NBEA: variants seen among roughly 807,000 people sequenced by gnomAD.
NBEA encodes the protein lysosomal-trafficking regulator 2.
Under a neutral mutation model 343.4 loss-of-function variants are expected in NBEA, and 44 were observed. The ratio of observed to expected loss-of-function variants is 0.13; its 90% confidence interval spans 0.10 to 0.16. The LOEUF (loss-of-function observed/expected upper bound fraction) is 0.16, where lower values mean the gene tolerates loss of function less well. Ranked by LOEUF, NBEA falls within the 10% of genes least tolerant of loss-of-function variation. NBEA has a pLI of 1.00. For missense variants in NBEA, 2,555 were observed against 3,631.3 expected, an observed-to-expected ratio of 0.70 and a Z score of 7.62; for synonymous variants, 1,175 against 1,238.7, an observed-to-expected ratio of 0.95 and a Z score of 1.08.
chr13:35,412,256 T>C (rs191904396), intron 38 of NBEA, among the ~76,000 whole-genome samples: 14 of 152,290 alleles, frequency 9.2e-5, no homozygotes, highest in Non-Finnish European at 1.5e-4. Flanking sequence ...TATATATCAC[T>C]GAGAATACAT....
At position 34,943,121 on chromosome 13, in the gene NBEA, A is replaced by G; in HGVS notation, c.294+7A>G. The G allele has an allele frequency of 6.2e-7, 1 of 1,612,656 alleles. No individual in the cohort carries two copies. ...GGAGACGGTGCTCAACCTGGTAAGG[A>G]AAAGGCGTGCTCTCAATCTGCTTCC... On this transcript the variant is annotated splice_region_variant and intron_variant, in intron 1 of 58. Transcript: ENST00000379939.
chr13:35,049,382 T>G (rs2062983642), intron 5 of NBEA, among the ~76,000 whole-genome samples: 1 of 151,864 alleles, frequency 6.6e-6, no homozygotes, highest in South Asian at 2.1e-4. Context: ...CCACCTACTA[T>G]TCACCTTGTA....
In NBEA at chr13:35,159,987, A is replaced by C; in HGVS notation, c.3816A>C (p.Glu1272Asp). Residue 1272 changes from glutamate (E) to aspartate (D), a missense_variant, in exon 22 of 59, where the codon GAA becomes GAC. Physicochemically the swap from Glu to Asp is conservative, Grantham distance 45 (BLOSUM62 2). Coordinates refer to ENST00000379939, the MANE Select transcript of NBEA (RefSeq NM_001385012.1). ...SDTERSDDGK[E>D]SGKEIRKIQT... ...CTGAAAGGTCTGACGATGGCAAAGA[A>C]TCAGGAAAAGAAATCCGAAAAATCC... 6.3e-7 allele frequency: 1 copy of C among 1,592,620 alleles called. No homozygotes were observed. Among genetic ancestry groups the C allele is most frequent in the Non-Finnish European group, 8.5e-7 (1 of 1,170,306 alleles).
intron 18 of NBEA, among the ~76,000 whole-genome samples, chr13:35,144,968 TTTGATGGA>T (rs2068326503): frequency 6.6e-6 from 1 of 152,194 alleles, no homozygotes; most frequent in East Asian, 1.9e-4. Context: ...GTAGGTATCC[TTTGATGGA>T]GTCCCAGATG....
intron 8 of NBEA, among the ~76,000 whole-genome samples, chr13:35,067,174 G>A (rs1371562105): frequency 2.0e-5 from 3 of 152,094 alleles, no homozygotes; most frequent in Non-Finnish European, 4.4e-5. Flanking sequence ...GAAGCTGAGA[G>A]AAGAAAGATA....
At chr13:35,522,475 C>CAA (rs138270833) in intron 41 of NBEA, among the ~76,000 whole-genome samples, 18 of 42,070 alleles carry the variant, frequency 4.3e-4, no homozygotes, top group South Asian at 1.4e-3. Context: ...ATACCATCTC[C>CAA]AAAAAAAAAA....
chr13:35,169,011 G>T lies in NBEA; in HGVS notation c.4242+16G>T. The T allele has an allele frequency of 6.7e-7, 1 of 1,487,134 alleles. No homozygotes were observed. The highest frequency in any genetic ancestry group is 8.9e-7 in the Non-Finnish European group (1 of 1,119,796). The allele number at this position is 1,487,134 out of a possible 1,614,324, so 92.1% of individuals were successfully genotyped here. On this transcript the variant is annotated intron_variant, in intron 25 of 58. Transcript: ENST00000379939. ...GGGTTCTAAGGTTAGTATTACTTTT[G>T]TAGTAATTTTCAGCTTTCAGTTTCA...
chr13:35,092,169 A>G (rs958489469), intron 10 of NBEA, among the ~76,000 whole-genome samples: 3 of 151,962 alleles, frequency 2.0e-5, no homozygotes, highest in Non-Finnish European at 4.4e-5. Flanking sequence ...TGGAGGAAGG[A>G]TAATCATATG....
At chr13:35,113,009 G>T (rs2066294637) in intron 13 of NBEA, among the ~76,000 whole-genome samples, 1 of 152,072 alleles carries the variant, frequency 6.6e-6, no homozygotes, top group Admixed American at 6.5e-5. Flanking sequence ...CTAGGAAAAA[G>T]AAAATTATTT....
At chr13:35,428,036 C>G (rs1343417465) in intron 38 of NBEA, among the ~76,000 whole-genome samples, 1 of 152,138 alleles carries the variant, frequency 6.6e-6, no homozygotes, top group African/African-American at 2.4e-5. Flanking sequence ...ATCTGTCACC[C>G]ATTTCTTTGA....
chr13:35,395,263 G>T (rs551351877), intron 38 of NBEA, among the ~76,000 whole-genome samples: 6 of 151,918 alleles, frequency 3.9e-5, no homozygotes, highest in African/African-American at 7.3e-5. Flanking sequence ...GGTTGGGCTC[G>T]GTGGGAGGTA....
chr13:35,287,443 A>C (rs2035502120), intron 34 of NBEA, among the ~76,000 whole-genome samples: 1 of 151,974 alleles, frequency 6.6e-6, no homozygotes, highest in Admixed American at 6.6e-5. Context: ...TTTCAAAACC[A>C]TATAATTTTC....
intron 36 of NBEA, among the ~76,000 whole-genome samples, chr13:35,330,568 G>A (rs1005076208): frequency 3.3e-5 from 5 of 151,922 alleles, no homozygotes; most frequent in Non-Finnish European, 1.5e-5. Flanking sequence ...AAGCCCTTAT[G>A]TTTCATTGTC....
chr13:34,989,664 C>A (rs73485762), intron 1 of NBEA, among the ~76,000 whole-genome samples: 1 of 150,728 alleles, frequency 6.6e-6, no homozygotes, highest in Non-Finnish European at 1.5e-5. Flanking sequence ...CATTCCACAC[C>A]TAGCCCTCCC....
chr13:35,232,395 C>A, intron 33 of NBEA, 97 bp from the exon 34 acceptor site: 1 of 829,888 alleles, frequency 1.2e-6, no homozygotes, highest in Non-Finnish European at 1.8e-6. Context: ...CTAGAAAGGA[C>A]ATTTATGATT....
chr13:34,972,822 A>G (rs2060042359), intron 1 of NBEA, among the ~76,000 whole-genome samples: 1 of 152,114 alleles, frequency 6.6e-6, no homozygotes, highest in Non-Finnish European at 1.5e-5. Context: ...CATATTCTGA[A>G]TTCTACTTCT....
At chr13:35,640,044 G>A (rs2083868788) in intron 49 of NBEA, among the ~76,000 whole-genome samples, 1 of 150,502 alleles carries the variant, frequency 6.6e-6, no homozygotes, top group Non-Finnish European at 1.5e-5. Context: ...GAAAAGACAA[G>A]ATTAACGAAA....
chr13:35,522,791 A>C (rs1346312090), intron 41 of NBEA, among the ~76,000 whole-genome samples: 1 of 152,074 alleles, frequency 6.6e-6, no homozygotes, highest in Non-Finnish European at 1.5e-5. Flanking sequence ...ACTCCCTATG[A>C]GAATCTAATG....
chr13:35,119,917 A>G (rs1033686925), intron 16 of NBEA, among the ~76,000 whole-genome samples: 1 of 152,172 alleles, frequency 6.6e-6, no homozygotes, highest in Non-Finnish European at 1.5e-5. Context: ...AGTTTGAGCT[A>G]TATGAAACTG....
Sources: allele counts gnomAD v4.1 joint callset (sites outside exome capture counted in the v4.1 genomes callset), GRCh38; gene constraint gnomAD v4.1.1; transcripts MANE v1.5; gene names NCBI Gene and HGNC (gene_info 2026-07-23, HGNC 2026-07-21).